The following CPQ variants were observed in gnomAD, a reference collection of about 807,000 sequenced individuals.
CPQ encodes Ser-Met dipeptidase.
Under a neutral mutation model 45.7 loss-of-function variants are expected in CPQ, and 37 were observed. That is an observed-to-expected ratio of 0.81 (90% CI 0.62 to 1.07). CPQ has a LOEUF of 1.07. CPQ is among the 50% of genes least tolerant of loss of function. The probability of loss-of-function intolerance (pLI) is 0.00; values close to 1 mark genes in which losing one functional copy is unlikely to be tolerated. For synonymous variants in CPQ, 186 were observed against 205.8 expected (o/e 0.90, Z 0.82); for missense variants, 537 against 572.9 (o/e 0.94, Z 0.64).
intron 6 of CPQ, among the ~76,000 whole-genome samples, chr8:97,040,389 T>C (rs991920519): frequency 1.3e-5 from 2 of 151,694 alleles, no homozygotes; most frequent in African/African-American, 4.8e-5. Flanking sequence ...ATTAGCCCTT[T>C]GTCAGATGAG....
intron 4 of CPQ, among the ~76,000 whole-genome samples, chr8:96,950,391 A>T (rs1813243484): frequency 6.6e-6 from 1 of 152,096 alleles, no homozygotes; most frequent in African/African-American, 2.4e-5. Context: ...TGATTTATTG[A>T]CCCTGCTGTA....
chr8:96,928,097 A>G (rs1812917039), intron 4 of CPQ, among the ~76,000 whole-genome samples: 1 of 152,152 alleles, frequency 6.6e-6, no homozygotes, highest in Admixed American at 6.5e-5. Context: ...TTTTACAACC[A>G]ACCAATTACT....
intron 1 of CPQ, among the ~76,000 whole-genome samples, chr8:96,705,347 A>G (rs1338427668): frequency 6.6e-6 from 1 of 152,204 alleles, no homozygotes; most frequent in Non-Finnish European, 1.5e-5. Flanking sequence ...GGCATGAAAT[A>G]TATCTGTTAT....
At chr8:97,064,916 C>T (rs747238039) in intron 6 of CPQ, among the ~76,000 whole-genome samples, 4 of 152,262 alleles carry the variant, frequency 2.6e-5, no homozygotes, top group Non-Finnish European at 4.4e-5. Context: ...TTGAGCAAAT[C>T]GCTTGACCTC....
intron 2 of CPQ, among the ~76,000 whole-genome samples, chr8:96,807,528 C>T (rs1394378422): frequency 1.3e-5 from 2 of 152,132 alleles, no homozygotes; most frequent in Admixed American, 1.3e-4. Flanking sequence ...CCACCGCGCC[C>T]GGCTGAAAAC....
chr8:96,916,907 C>T (rs1812741446), intron 4 of CPQ, among the ~76,000 whole-genome samples: 1 of 152,080 alleles, frequency 6.6e-6, no homozygotes, highest in Admixed American at 6.6e-5. Context: ...GGGAGGAAGA[C>T]CACAGAGGTA....
chr8:96,929,597 A>C (rs1472307818), intron 4 of CPQ, among the ~76,000 whole-genome samples: 1 of 152,196 alleles, frequency 6.6e-6, no homozygotes. Context: ...AGCATTGCTC[A>C]AAACATGGCT....
At chr8:96,794,454 T>A (rs868804957) in intron 2 of CPQ, among the ~76,000 whole-genome samples, 3 of 152,162 alleles carry the variant, frequency 2.0e-5, no homozygotes, top group Non-Finnish European at 4.4e-5. Context: ...GCCCAGCCCA[T>A]GAAACCACTT....
At position 96,832,261 on chromosome 8, in the gene CPQ, G is replaced by T. The variant is rs535849130; in HGVS notation, c.434-2712G>T. 2.0e-5 allele frequency among the ~76,000 whole-genome samples: 3 copies of T among 152,218 alleles called. No individual in the cohort carries two copies. In the South Asian group the frequency reaches 6.2e-4, roughly 32 times the overall value. ...TTATTTCTATTCTGAGTGCCCCAAG[G>T]CCTCTTTTGCTTGGTTATTGTTCTG... On this transcript the variant is annotated intron_variant, in intron 2 of 7. Coordinates refer to ENST00000220763, the MANE Select transcript of CPQ (RefSeq NM_016134.4).
chr8:96,966,096 G>T, intron 5 of CPQ, 50 bp downstream of exon 5: 1 of 1,343,066 alleles, frequency 7.4e-7, no homozygotes. Flanking sequence ...TCAGTGACAT[G>T]TTTAACTCAA....
chr8:96,664,199 A>G (rs889279523), intron 1 of CPQ, among the ~76,000 whole-genome samples: 1 of 152,212 alleles, frequency 6.6e-6, no homozygotes, highest in Non-Finnish European at 1.5e-5. Context: ...GAAGGAGCAA[A>G]AGAACAAGAG....
At chr8:97,021,737 C>T (rs1423877808) in intron 5 of CPQ, among the ~76,000 whole-genome samples, 1 of 152,084 alleles carries the variant, frequency 6.6e-6, no homozygotes, top group East Asian at 1.9e-4. Context: ...GGAAACACAT[C>T]CCATGCTTGT....
At chr8:96,655,585 G>C (rs1815629017) in intron 1 of CPQ, among the ~76,000 whole-genome samples, 1 of 152,072 alleles carries the variant, frequency 6.6e-6, no homozygotes, top group Non-Finnish European at 1.5e-5. Context: ...TTGGAACTTT[G>C]TTAGTTTCTT....
intron 4 of CPQ, among the ~76,000 whole-genome samples, chr8:96,894,344 AG>A (rs1305744070): frequency 3.9e-5 from 6 of 152,222 alleles, no homozygotes; most frequent in African/African-American, 1.4e-4. Context: ...CAGCAATTAA[AG>A]GGCACAAGAT....
chr8:96,966,429 C>T (rs535114821), intron 5 of CPQ, among the ~76,000 whole-genome samples: 1 of 152,308 alleles, frequency 6.6e-6, no homozygotes, highest in East Asian at 1.9e-4. Flanking sequence ...TGGATAAAGG[C>T]TGGTCGTCTT....
intron 1 of CPQ, among the ~76,000 whole-genome samples, chr8:96,698,856 A>G (rs1809420516): frequency 6.6e-6 from 1 of 152,166 alleles, no homozygotes; most frequent in South Asian, 2.1e-4. Flanking sequence ...ATGTGGAGAA[A>G]AGGGAACCCT....
intron 4 of CPQ, among the ~76,000 whole-genome samples, chr8:96,922,193 C>A (rs957880403): frequency 1.3e-5 from 2 of 152,148 alleles, no homozygotes; most frequent in Admixed American, 6.6e-5. Context: ...AAAGATGTTT[C>A]CAAAGTATGA....
intron 3 of CPQ, among the ~76,000 whole-genome samples, chr8:96,855,352 G>C (rs1468776242): frequency 1.3e-5 from 2 of 152,076 alleles, no homozygotes; most frequent in African/African-American, 4.8e-5. Flanking sequence ...CTGCTGAGGA[G>C]GGCTGGGAAC....
intron 1 of CPQ, among the ~76,000 whole-genome samples, chr8:96,702,552 C>T (rs1226790861): frequency 6.6e-6 from 1 of 152,154 alleles, no homozygotes; most frequent in Non-Finnish European, 1.5e-5. Flanking sequence ...GTGCTTACTA[C>T]CTACCAGGTG....
Sources: gnomAD v4.1 joint callset for allele counts (sites outside exome capture counted in the v4.1 genomes callset) on GRCh38, gnomAD v4.1.1 for gene constraint, MANE v1.5 for transcripts, NCBI Gene and HGNC (gene_info 2026-07-23, HGNC 2026-07-21) for gene names.